PAM: variants seen among roughly 807,000 people sequenced by gnomAD.
PAM encodes the protein peptidyl-glycine alpha-amidating monooxygenase.
PAM carries 72 observed loss-of-function variants against 122.1 expected under a neutral mutation model. The observed-to-expected ratio is 0.59, with a 90% CI of 0.49 to 0.72. The LOEUF is 0.72. PAM is among the 30% of genes least tolerant of loss of function. PAM has a pLI of 0.00. For missense variants in PAM, 1,106 were observed against 1,183.7 expected (o/e 0.93, Z 0.96); for synonymous variants, 389 against 404.4 (o/e 0.96, Z 0.46).
intron 7 of PAM, among the ~76,000 whole-genome samples, chr5:102,936,275 G>A (rs73175474): frequency 0.03 from 4,572 of 152,134 alleles, 220 homozygotes; most frequent in African/African-American, 0.1. Context: ...GACAAATAGT[G>A]CAAGTCAAAG....
chr5:102,870,101 A>AT (rs111643580), intron 3 of PAM, among the ~76,000 whole-genome samples: 10,244 of 146,818 alleles, frequency 0.07, 792 homozygotes, highest in African/African-American at 0.18. Context: ...ATGGCAGAGG[A>AT]TTTTTTTTTT....
chr5:102,814,115 G>A (rs1768833586), intron 1 of PAM, among the ~76,000 whole-genome samples: 1 of 152,312 alleles, frequency 6.6e-6, no homozygotes, highest in South Asian at 2.1e-4. Context: ...TATGCCAAGG[G>A]TGCATGAGGG....
chr5:102,807,540 T>C (rs556473580), intron 1 of PAM, among the ~76,000 whole-genome samples: 3 of 152,320 alleles, frequency 2.0e-5, no homozygotes, highest in African/African-American at 7.2e-5. Context: ...AATTAGGCAA[T>C]TCGCTGGAGG....
chr5:102,904,254 C>T (rs910630482), intron 4 of PAM, among the ~76,000 whole-genome samples: 1 of 151,360 alleles, frequency 6.6e-6, no homozygotes, highest in African/African-American at 2.4e-5. Context: ...ATACTTTGTT[C>T]GTTCTTTTCT....
Position 102,946,883 on chromosome 5 carries a change from G to T in PAM, c.573G>T (p.Leu191=). ...CSGVSLHLTR[L]PQPLIAGMYL... is the part of the protein sequence containing the mutation. ...GTGTGTCCTTACACCTCACACGTCT[G>T]CCGTAAGTACTTCCATTTTTCCTAG... Residue 191 remains leucine, a splice_region_variant and synonymous_variant, in exon 8 of 26, where the codon CTG becomes CTT. Transcript: ENST00000438793. 1.3e-6 allele frequency: 2 copies of T among 1,596,636 alleles called. No individual in the cohort carries two copies. Among genetic ancestry groups the T allele is most frequent in the Non-Finnish European group, 1.7e-6 (2 of 1,165,054 alleles).
chr5:102,998,484 C>T lies in PAM; in HGVS notation c.1614-4549C>T, dbSNP rs183902518. Among the ~76,000 whole-genome samples the T allele has an allele frequency of 5.9e-5, 9 of 152,224 alleles. No individual in the cohort carries two copies. In the East Asian group the frequency reaches 1.4e-3, roughly 23 times the overall value. ...CACAATCTACATATAAAGTAGATAG[C>T]ACTTGGCAAGAATTATGAATTGGAA... On this transcript the variant is annotated intron_variant, in intron 16 of 25. Transcript: ENST00000438793.
chr5:103,007,017 C>CAAT lies in PAM; in HGVS notation c.2014+9_2014+11dup. 1 of 1,582,474 alleles carries CAAT rather than the reference C, an allele frequency of 6.3e-7. No individual in the cohort carries two copies. On this transcript the variant is annotated splice_region_variant and intron_variant, in intron 19 of 25. Coordinates refer to ENST00000438793, the MANE Select transcript of PAM (RefSeq NM_001177306.2). ...CATCACACAGTGGGGAGAAGGTACC[C>CAAT]AATAAGACTCTTAATCTCCAGTTGT...
intron 22 of PAM, 62 bp from the exon 23 acceptor site, chr5:103,019,728 A>T (rs1783021557): frequency 1.8e-6 from 2 of 1,095,380 alleles, no homozygotes; most frequent in Middle Eastern, 3.9e-4. Context: ...TATCAAAGTT[A>T]AATTTTCAAA....
chr5:103,030,424 G>A (rs745689314), downstream of PAM: 1 of 152,112 alleles, frequency 6.6e-6, no homozygotes, highest in Non-Finnish European at 1.5e-5. Flanking sequence ...TTTCAAAAAT[G>A]CCAACCTGTT....
chr5:103,028,252 C>T lies in PAM; in HGVS notation c.2743+14C>T. On this transcript the variant is annotated intron_variant, in intron 25 of 25. Transcript: ENST00000438793. ...GAAGATTTAGAGGTATGCCTATGAC[C>T]TTTTAGAACCCTTCATGTTTGGTTC... 6.4e-7 allele frequency: 1 copy of T among 1,565,328 alleles called. No homozygotes were observed. Among genetic ancestry groups the T allele is most frequent in the South Asian group, 1.1e-5 (1 of 89,636 alleles).
chr5:102,965,922 A>G (rs930279553), intron 14 of PAM, among the ~76,000 whole-genome samples: 1 of 152,080 alleles, frequency 6.6e-6, no homozygotes, highest in Non-Finnish European at 1.5e-5. Flanking sequence ...TCTACTGTCA[A>G]AGCCTGCTAA....
rs202230249 is a variant in PAM, at chr5:103,025,293, T to C, written c.2648T>C (p.Ile883Thr). 3.3e-5 allele frequency: 54 copies of C among 1,613,648 alleles called. No individual in the cohort carries two copies. Among genetic ancestry groups the C allele is most frequent in the Admixed American group, 2.0e-4 (12 of 59,994 alleles). Residue 883 changes from isoleucine to threonine, a missense_variant, in exon 24 of 26, where the codon ATT (isoleucine) becomes ACT (threonine). Coordinates refer to ENST00000438793, the MANE Select transcript of PAM (RefSeq NM_001177306.2). ...LVIPVVVLLA[I>T]AIFIRWKKSR... The stretch of plus-strand genomic sequence containing the variant: ...ATTCCGGTGGTTGTCCTGCTGGCCA[T>C]TGCCATATTTATTCGGTGGAAAAAA...
intron 4 of PAM, among the ~76,000 whole-genome samples, chr5:102,908,387 A>G (rs1800267476): frequency 6.6e-6 from 1 of 151,898 alleles, no homozygotes; most frequent in Non-Finnish European, 1.5e-5. Flanking sequence ...CTTGTAGTAT[A>G]GTTTGAAGTC....
rs770772613 is a variant in PAM, at chr5:102,949,866, A to T, written c.725-36A>T. On this transcript the variant is annotated intron_variant, in intron 10 of 25. Coordinates refer to ENST00000438793, the MANE Select transcript of PAM (RefSeq NM_001177306.2). ...ATGCCTTTTGTTTTTCTAATACCTTATTATATTAAATGATTAAAATTTGTG... is the reference window on the plus strand; with the variant it reads ...ATGCCTTTTGTTTTTCTAATACCTTTTTATATTAAATGATTAAAATTTGTG... The T allele has an allele frequency of 7.4e-6, 8 of 1,086,772 alleles. No homozygotes were observed. In the African/African-American group the frequency reaches 1.3e-4, roughly 17 times the overall value. 67.3% of individuals were successfully genotyped at this position (1,086,772 alleles called of 1,614,324 possible).
chr5:102,757,830 CAGG>C (rs1750913222), intron 1 of PAM, among the ~76,000 whole-genome samples: 1 of 151,668 alleles, frequency 6.6e-6, no homozygotes, highest in South Asian at 2.1e-4. Flanking sequence ...TGCTTGAGTT[CAGG>C]AGTTTGAAAC....
chr5:102,773,632 C>T (rs1055317579), intron 1 of PAM, among the ~76,000 whole-genome samples: 6 of 152,016 alleles, frequency 3.9e-5, no homozygotes, highest in African/African-American at 1.4e-4. Context: ...GCTTGTGGGC[C>T]TAGTTATGGA....
In PAM at chr5:102,949,580, G is replaced by T. The variant is rs1758104474; in HGVS notation, c.687G>T (p.Met229Ile). 5.8e-6 allele frequency: 9 copies of T among 1,548,096 alleles called. No homozygotes were observed. In the East Asian group the frequency reaches 1.8e-4, roughly 31 times the overall value. ...CATGCCATTATAAAAATTATCCAAT[G>T]CATGTCTTTGCCTATAGAGTTCACA... Reference protein sequence around the residue: ...DISCHYKNYPMHVFAYRVHTH... With the variant: ...DISCHYKNYPIHVFAYRVHTH... The change falls in exon 10 of 26, where the codon ATG becomes ATT. Residue 229 changes from methionine to isoleucine, a missense_variant. Met to Ile is a conservative substitution (Grantham distance 10, BLOSUM62 1). This residue lies in a region of PAM where 670 missense variants were observed against 690.3 expected (regional missense o/e 0.97). Coordinates refer to ENST00000438793, the MANE Select transcript of PAM (RefSeq NM_001177306.2).
chr5:102,987,533 T>G (rs1172000332), intron 15 of PAM: 3 of 456,018 alleles, frequency 6.6e-6, no homozygotes, highest in Non-Finnish European at 1.3e-5. Context: ...AGAGAAGATA[T>G]GAAATGTTTC....
chr5:102,888,828 A>ACCCTTTTTACAAATATTAAAATT, intron 3 of PAM, among the ~76,000 whole-genome samples: 1 of 151,822 alleles, frequency 6.6e-6, no homozygotes, highest in Non-Finnish European at 1.5e-5. Context: ...TATTTAAAAT[A>ACCCTTTTTACAAATATTAAAATT]CCCTTTTTAC....
Sources: allele counts gnomAD v4.1 joint callset (sites outside exome capture counted in the v4.1 genomes callset), GRCh38; gene constraint gnomAD v4.1.1; regional missense constraint gnomAD v4.1.1; transcripts MANE v1.5; gene names NCBI Gene and HGNC (gene_info 2026-07-23, HGNC 2026-07-21).